TRIM33: variants seen among roughly 807,000 people sequenced by gnomAD.
The protein encoded by TRIM33 is E3 ubiquitin-protein ligase TRIM33.
In TRIM33, 20 loss-of-function variants were observed where a neutral mutation model predicts 125.4. That is an observed-to-expected ratio of 0.16 (90% CI 0.11 to 0.23). The LOEUF is 0.23. Ranked by LOEUF, TRIM33 falls within the 10% of genes least tolerant of loss-of-function variation. TRIM33 has a pLI of 1.00. For synonymous variants in TRIM33, 564 were observed against 513.9 expected, an observed-to-expected ratio of 1.10 and a Z score of -1.32; for missense variants, 920 against 1,411.4, an observed-to-expected ratio of 0.65 and a Z score of 5.58.
chr1:114,498,287 A>G lies in TRIM33; in HGVS notation c.526+12264T>C, dbSNP rs373314762. Among the ~76,000 whole-genome samples the G allele has an allele frequency of 6.6e-5, 10 of 152,282 alleles. 1 individual carries two copies. Among genetic ancestry groups the G allele is most frequent in the African/African-American group, 2.4e-4 (10 of 41,566 alleles). ...ACATTTGTATCCTCAGAGAAAGAAGATATTAAGTCCACAGAAAAAGAACAG... is the reference window on the plus strand; with the variant it reads ...ACATTTGTATCCTCAGAGAAAGAAGGTATTAAGTCCACAGAAAAAGAACAG... On this transcript the variant is annotated intron_variant, in intron 1 of 19. Coordinates refer to ENST00000358465, the MANE Select transcript of TRIM33 (RefSeq NM_015906.4).
Position 114,476,887 on chromosome 1 carries a change from G to A in TRIM33, c.527-12499C>T, listed in dbSNP as rs371753675. Among the ~76,000 whole-genome samples the A allele has an allele frequency of 5.3e-5, 8 of 152,198 alleles. No homozygotes were observed. In the East Asian group the frequency reaches 5.8e-4, roughly 11 times the overall value. On this transcript the variant is annotated intron_variant, in intron 1 of 19. Coordinates refer to ENST00000358465, the MANE Select transcript of TRIM33 (RefSeq NM_015906.4). ...CCAGATAGTTATACAGGAGAGTAATGCTTAAAGAATAAACCAGCATTCCAT... is the reference window on the plus strand; with the variant it reads ...CCAGATAGTTATACAGGAGAGTAATACTTAAAGAATAAACCAGCATTCCAT...
At chr1:114,419,200 C>CAAAAAAAAAAAAAAAA (rs35757503) in intron 11 of TRIM33, among the ~76,000 whole-genome samples, 1 of 54,324 alleles carries the variant, frequency 1.8e-5, no homozygotes, top group Non-Finnish European at 3.8e-5. Context: ...GACACCATCT[C>CAAAAAAAAAAAAAAAA]AAAAAAAAAA....
rs906816726 is a variant in TRIM33, at chr1:114,395,965, A to T, written c.*1683T>A. 5.1e-6 allele frequency: 1 copy of T among 195,170 alleles called. No individual in the cohort carries two copies. The highest frequency in any genetic ancestry group is 1.1e-5 in the Non-Finnish European group (1 of 93,744). 12.1% of individuals were successfully genotyped at this position (195,170 alleles called of 1,614,324 possible). A position where few individuals can be genotyped will look rare whatever the true frequency, so the allele number is the denominator to read the frequency against. On this transcript the variant is annotated 3_prime_UTR_variant, in exon 20 of 20. Coordinates refer to ENST00000358465, the MANE Select transcript of TRIM33 (RefSeq NM_015906.4). ...TTATTTGATTCAATATGCATTAAAA[A>T]ATATTGACCTCTTAGACAATTACGT...
At chr1:114,472,331 T>C (rs1650698751) in intron 1 of TRIM33, among the ~76,000 whole-genome samples, 1 of 152,140 alleles carries the variant, frequency 6.6e-6, no homozygotes, top group African/African-American at 2.4e-5. Flanking sequence ...TAAGGAACAA[T>C]ACTGTGATTC....
chr1:114,481,827 G>A (rs553118431), intron 1 of TRIM33, among the ~76,000 whole-genome samples: 1 of 151,450 alleles, frequency 6.6e-6, no homozygotes. Flanking sequence ...TGGCGTGATC[G>A]CACCTCACTG....
intron 4 of TRIM33, among the ~76,000 whole-genome samples, chr1:114,447,433 C>T (rs888656798): frequency 6.6e-6 from 1 of 151,872 alleles, no homozygotes; most frequent in African/African-American, 2.4e-5. Flanking sequence ...TGAGGAAAGG[C>T]TACCAGTGAA....
At chr1:114,473,293 A>C (rs1650768115) in intron 1 of TRIM33, among the ~76,000 whole-genome samples, 1 of 151,610 alleles carries the variant, frequency 6.6e-6, no homozygotes, top group African/African-American at 2.4e-5. Context: ...TTTCCTCAGC[A>C]AGGCAATTTA....
intron 1 of TRIM33, among the ~76,000 whole-genome samples, chr1:114,478,911 G>A (rs1651133549): frequency 6.6e-6 from 1 of 152,132 alleles, no homozygotes; most frequent in Admixed American, 6.6e-5. Context: ...AGCCAGGCGT[G>A]GTTGTGGGCA....
intron 1 of TRIM33, among the ~76,000 whole-genome samples, chr1:114,482,883 C>CA (rs1445661433): frequency 6.6e-6 from 1 of 152,172 alleles, no homozygotes; most frequent in Non-Finnish European, 1.5e-5. Context: ...GCCTGCACAG[C>CA]AGGAAGAACC....
chr1:114,466,447 G>A (rs552407824), intron 1 of TRIM33, among the ~76,000 whole-genome samples: 2 of 152,130 alleles, frequency 1.3e-5, no homozygotes, highest in African/African-American at 4.8e-5. Flanking sequence ...CCCTTTACAC[G>A]TTCCTGGGAG....
chr1:114,450,273 A>T (rs6688348), intron 4 of TRIM33, among the ~76,000 whole-genome samples: 10,600 of 152,204 alleles, frequency 0.07, 376 homozygotes, highest in South Asian at 0.075. Flanking sequence ...AAAAGAGAAT[A>T]CTAGATTGAA....
At chr1:114,496,459 A>C (rs1652371635) in intron 1 of TRIM33, among the ~76,000 whole-genome samples, 1 of 152,226 alleles carries the variant, frequency 6.6e-6, no homozygotes. Context: ...ACTGCCTGAA[A>C]TCTGATTCAT....
At position 114,427,350 on chromosome 1, in the gene TRIM33, A is replaced by C. The variant is rs951570630; in HGVS notation, c.1303-56T>G. The C allele has an allele frequency of 4.2e-6, 4 of 956,234 alleles. No homozygotes were observed. The African/African-American group carries it at 6.5e-5, about 16-fold the overall frequency. 59.2% of individuals were successfully genotyped at this position (956,234 alleles called of 1,614,324 possible). ...AAAATTAAATATCAATTGGGAAATC[A>C]TAAGATAAAGACATTAAGAAAAAAA... On this transcript the variant is annotated intron_variant, in intron 7 of 19. Transcript: ENST00000358465.
At chr1:114,490,135 A>G (rs1651974760) in intron 1 of TRIM33, among the ~76,000 whole-genome samples, 1 of 150,906 alleles carries the variant, frequency 6.6e-6, no homozygotes, top group Admixed American at 6.6e-5. Flanking sequence ...AAGAAAGACA[A>G]GAAAAAAAAA....
chr1:114,510,514 C>T, intron 1 of TRIM33, 37 bp downstream of exon 1: 2 of 1,444,120 alleles, frequency 1.4e-6, no homozygotes. Context: ...GCGCAAATCC[C>T]TTGCGGCCCA....
At chr1:114,497,349 T>A (rs1459395532) in intron 1 of TRIM33, among the ~76,000 whole-genome samples, 1 of 152,166 alleles carries the variant, frequency 6.6e-6, no homozygotes, top group Non-Finnish European at 1.5e-5. Flanking sequence ...CAGGCTGGAG[T>A]GCAACAGCGC....
At chr1:114,427,927 C>A (rs777057103) in intron 6 of TRIM33, 33 bp from the exon 7 acceptor site, 1 of 1,603,660 alleles carries the variant, frequency 6.2e-7, no homozygotes, top group South Asian at 1.1e-5. Context: ...CTGTAGAATT[C>A]CATATGAAAA....
intron 1 of TRIM33, among the ~76,000 whole-genome samples, chr1:114,482,457 A>G (rs1462221156): frequency 6.6e-6 from 1 of 152,236 alleles, no homozygotes; most frequent in Non-Finnish European, 1.5e-5. Context: ...CCTAGATGGG[A>G]AAATGAGTGC....
chr1:114,442,687 C>CAAAAAAAAAAAAAAAAAAAAAAAAAAA (rs34847018), intron 4 of TRIM33, among the ~76,000 whole-genome samples: 1 of 73,870 alleles, frequency 1.4e-5, no homozygotes, highest in Non-Finnish European at 2.7e-5. Flanking sequence ...GACTCTGTCT[C>CAAAAAAAAAAAAAAAAAAAAAAAAAAA]AAAAAAAAAA....
Sources: gnomAD v4.1 joint callset for allele counts (sites outside exome capture counted in the v4.1 genomes callset) on GRCh38, gnomAD v4.1.1 for gene constraint, MANE v1.5 for transcripts, NCBI Gene and HGNC (gene_info 2026-07-23, HGNC 2026-07-21) for gene names.